Variants in LRRC7 observed in about 807,000 individuals in gnomAD.
LRRC7 encodes the protein leucine rich repeat containing 7.
Under a neutral mutation model 175.7 loss-of-function variants are expected in LRRC7, and 23 were observed. The ratio of observed to expected loss-of-function variants is 0.13; its 90% CI spans 0.09 to 0.19. The LOEUF (loss-of-function observed/expected upper bound fraction) is 0.19, where lower values mean the gene tolerates loss of function less well. LRRC7 is among the 10% of genes least tolerant of loss of function. LRRC7 has a pLI of 1.00. For missense variants in LRRC7, 1,354 were observed against 1,904.7 expected (o/e 0.71, Z 5.38); for synonymous variants, 685 against 680.9 (o/e 1.01, Z -0.09).
At chr1:70,071,534 T>C (rs573707131) in intron 23 of LRRC7, among the ~76,000 whole-genome samples, 183 of 152,158 alleles carry the variant, frequency 1.2e-3, no homozygotes, top group African/African-American at 4.4e-3. Flanking sequence ...TAGAAAGTAA[T>C]AGGACTGGGT....
At chr1:69,850,283 G>A (rs979630536) in intron 7 of LRRC7, among the ~76,000 whole-genome samples, 1 of 152,116 alleles carries the variant, frequency 6.6e-6, no homozygotes, top group African/African-American at 2.4e-5. Flanking sequence ...CAAGGCCAGA[G>A]TAGTTGAACA....
Position 70,038,208 on chromosome 1 carries a change from G to T in LRRC7, c.2384G>T (p.Arg795Leu), listed in dbSNP as rs372336266. The change falls in exon 21 of 27, where the codon CGG (arginine) becomes CTG (leucine). Residue 795 changes from arginine to leucine, a missense_variant. This residue lies in a region of LRRC7 where 1,032 missense variants were observed against 1,227.2 expected (regional missense o/e 0.84). Transcript: ENST00000651989. ...PPGNIPQRPD[R>L]LPMSDTFTDN... ...GGCAATATACCACAGCGTCCTGACCGGCTGCCCATGAGTGATACTTTCACT... is the reference window on the plus strand; with the variant it reads ...GGCAATATACCACAGCGTCCTGACCTGCTGCCCATGAGTGATACTTTCACT... 2.5e-6 allele frequency: 4 copies of T among 1,614,012 alleles called. No individual in the cohort carries two copies. The African/African-American group carries it at 5.3e-5, about 22-fold the overall frequency.
At chr1:69,649,858 A>C (rs907978777) in intron 1 of LRRC7, among the ~76,000 whole-genome samples, 2 of 151,986 alleles carry the variant, frequency 1.3e-5, no homozygotes, top group African/African-American at 4.8e-5. Context: ...GATTGAAAAA[A>C]AAAAACCAAA....
chr1:69,759,317 C>A (rs1008850905), intron 2 of LRRC7, among the ~76,000 whole-genome samples: 1 of 151,778 alleles, frequency 6.6e-6, no homozygotes, highest in Non-Finnish European at 1.5e-5. Flanking sequence ...CAAGAATGAA[C>A]AAAATAATCA....
At chr1:69,681,388 T>C (rs951051973) in intron 2 of LRRC7, among the ~76,000 whole-genome samples, 1 of 152,170 alleles carries the variant, frequency 6.6e-6, no homozygotes, top group African/African-American at 2.4e-5. Flanking sequence ...CACTCTTTCA[T>C]TTGGAGATAC....
chr1:69,922,345 G>C (rs1646916527), intron 7 of LRRC7, among the ~76,000 whole-genome samples: 1 of 97,106 alleles, frequency 1.0e-5, no homozygotes, highest in East Asian at 3.8e-4. Context: ...CCAAAGTAAA[G>C]CTTCAGTAAA....
At chr1:69,942,022 C>T (rs918173310) in intron 8 of LRRC7, among the ~76,000 whole-genome samples, 1 of 152,010 alleles carries the variant, frequency 6.6e-6, no homozygotes, top group African/African-American at 2.4e-5. Flanking sequence ...CTTTTTCCTC[C>T]ACCACCTACG....
In LRRC7 at chr1:70,021,133, A is replaced by C. The variant is rs2101974275; in HGVS notation, c.1545+4A>C. On this transcript the variant is annotated splice_donor_region_variant and intron_variant, in intron 16 of 26. Transcript: ENST00000651989. The stretch of plus-strand genomic sequence containing the variant: ...CGAAAATGCTGGGAAAGTTAAGGTG[A>C]ACCTTTTAGCTTTTGTTTCCTCTTT... The C allele has an allele frequency of 6.2e-7, 1 of 1,608,596 alleles. No individual in the cohort carries two copies. Among genetic ancestry groups the C allele is most frequent in the South Asian group, 1.1e-5 (1 of 90,376 alleles).
intron 2 of LRRC7, among the ~76,000 whole-genome samples, chr1:69,702,948 C>T (rs1012896720): frequency 6.6e-6 from 1 of 152,044 alleles, no homozygotes; most frequent in East Asian, 1.9e-4. Flanking sequence ...ATGTGTTTTC[C>T]TCTCCTAGGA....
chr1:69,917,205 A>G (rs1235524716), intron 7 of LRRC7, among the ~76,000 whole-genome samples: 1 of 152,208 alleles, frequency 6.6e-6, no homozygotes, highest in African/African-American at 2.4e-5. Flanking sequence ...GATGAAGTTC[A>G]AATAGTTAGC....
chr1:70,095,030 G>C (rs113242133), intron 25 of LRRC7, among the ~76,000 whole-genome samples: 1 of 152,118 alleles, frequency 6.6e-6, no homozygotes, highest in African/African-American at 2.4e-5. Flanking sequence ...CCTTAACTTT[G>C]TGCAGCTACT....
intron 1 of LRRC7, among the ~76,000 whole-genome samples, chr1:69,669,422 G>A (rs1658737977): frequency 6.6e-6 from 1 of 152,132 alleles, no homozygotes; most frequent in Admixed American, 6.5e-5. Context: ...ACTCTCTACT[G>A]AAAAGTCTGC....
At chr1:69,883,210 A>T (rs1013548490) in intron 7 of LRRC7, among the ~76,000 whole-genome samples, 1 of 150,840 alleles carries the variant, frequency 6.6e-6, no homozygotes, top group African/African-American at 2.4e-5. Flanking sequence ...CAATGGTTGA[A>T]CTAGTTTACA....
chr1:70,104,728 G>C (rs1234336409), intron 25 of LRRC7, among the ~76,000 whole-genome samples: 1 of 152,102 alleles, frequency 6.6e-6, no homozygotes, highest in Non-Finnish European at 1.5e-5. Context: ...GAATCCTCCA[G>C]AGCTATGTGA....
chr1:70,068,701 G>A (rs1226400406), intron 23 of LRRC7, among the ~76,000 whole-genome samples: 1 of 151,976 alleles, frequency 6.6e-6, no homozygotes, highest in East Asian at 1.9e-4. Context: ...AAGCGATTGT[G>A]TAGAATTGGT....
At chr1:70,112,979 G>A (rs1206573551) in intron 26 of LRRC7, among the ~76,000 whole-genome samples, 5 of 152,154 alleles carry the variant, frequency 3.3e-5, no homozygotes, top group Non-Finnish European at 7.3e-5. Flanking sequence ...ATTTTAATAA[G>A]TTTTTCATGG....
intron 7 of LRRC7, among the ~76,000 whole-genome samples, chr1:69,876,820 CCTGCTGTTTAGAAG>C (rs1686086131): frequency 6.6e-6 from 1 of 151,972 alleles, no homozygotes; most frequent in Non-Finnish European, 1.5e-5. Flanking sequence ...ACAAGGAGTC[CCTGCTGTTTAGAAG>C]CTTAAGGTCT....
chr1:69,929,677 T>C (rs527842280), intron 7 of LRRC7, among the ~76,000 whole-genome samples: 1 of 152,318 alleles, frequency 6.6e-6, no homozygotes, highest in South Asian at 2.1e-4. Context: ...GCCTTCTCTT[T>C]GATCTTCCTT....
At chr1:69,865,636 A>C (rs998099487) in intron 7 of LRRC7, among the ~76,000 whole-genome samples, 1 of 151,434 alleles carries the variant, frequency 6.6e-6, no homozygotes, top group Non-Finnish European at 1.5e-5. Context: ...GCCCGCCACC[A>C]TGCCCAACTA....
Sources: allele counts gnomAD v4.1 joint callset (sites outside exome capture counted in the v4.1 genomes callset), GRCh38; gene constraint gnomAD v4.1.1; regional missense constraint gnomAD v4.1.1; transcripts MANE v1.5; gene names NCBI Gene and HGNC (gene_info 2026-07-23, HGNC 2026-07-21).